Variants in RPGRIP1L observed in about 807,000 individuals in gnomAD.
RPGRIP1L encodes protein fantom.
Under a neutral mutation model 160.4 loss-of-function variants are expected in RPGRIP1L, and 131 were observed. That is an observed-to-expected ratio of 0.82 (90% CI 0.71 to 0.94). The LOEUF (loss-of-function observed/expected upper bound fraction) is 0.94. Among genes scored for constraint, RPGRIP1L ranks in the 40% least tolerant of loss-of-function variants. The pLI is 0.00. For synonymous variants in RPGRIP1L, 510 were observed against 515.8 expected, an observed-to-expected ratio of 0.99 and a Z score of 0.15; for missense variants, 1,522 against 1,535.8, an observed-to-expected ratio of 0.99 and a Z score of 0.15.
intron 2 of RPGRIP1L, among the ~76,000 whole-genome samples, chr16:53,698,957 G>A (rs1001666817): frequency 8.9e-4 from 136 of 152,310 alleles, no homozygotes; most frequent in Non-Finnish European, 1.6e-3. Flanking sequence ...GCGGGGAAAG[G>A]TGGGGAAAAG....
chr16:53,670,882 C>CCCAG (rs1968660700), intron 9 of RPGRIP1L, among the ~76,000 whole-genome samples: 1 of 152,004 alleles, frequency 6.6e-6, no homozygotes, highest in Non-Finnish European at 1.5e-5. Context: ...ATCACTTGAG[C>CCCAG]CCAGGAGTTC....
intron 2 of RPGRIP1L, among the ~76,000 whole-genome samples, chr16:53,698,329 C>T (rs1263164574): frequency 8.3e-6 from 1 of 120,932 alleles, no homozygotes; most frequent in East Asian, 2.9e-4. Flanking sequence ...GGGGGGTCAG[C>T]CCCCCGCCCG....
chr16:53,613,774 C>T (rs1257822887), intron 24 of RPGRIP1L, among the ~76,000 whole-genome samples: 1 of 152,176 alleles, frequency 6.6e-6, no homozygotes. Flanking sequence ...CCACTATTTA[C>T]TGGGTACTAT....
At chr16:53,690,131 CT>C (rs995332596) in intron 4 of RPGRIP1L, among the ~76,000 whole-genome samples, 2 of 152,086 alleles carry the variant, frequency 1.3e-5, no homozygotes, top group African/African-American at 2.4e-5. Context: ...AGAAACAAAA[CT>C]TTTTTTGTGT....
intron 24 of RPGRIP1L, among the ~76,000 whole-genome samples, chr16:53,614,443 C>T (rs1228070379): frequency 6.6e-6 from 1 of 152,198 alleles, no homozygotes; most frequent in Non-Finnish European, 1.5e-5. Context: ...ATTTGTAATT[C>T]TAACATGTTT....
chr16:53,677,315 T>A (rs1292144261), intron 6 of RPGRIP1L, among the ~76,000 whole-genome samples: 1 of 152,184 alleles, frequency 6.6e-6, no homozygotes, highest in Admixed American at 6.5e-5. Flanking sequence ...TATAATAATG[T>A]TGTACTTCAA....
At chr16:53,658,578 C>T in intron 11 of RPGRIP1L, 114 bp from the exon 12 acceptor site, 1 of 931,636 alleles carries the variant, frequency 1.1e-6, no homozygotes, top group Non-Finnish European at 1.7e-6. Context: ...CATGAACTAA[C>T]AAACTAAGTC....
intron 9 of RPGRIP1L, among the ~76,000 whole-genome samples, chr16:53,668,004 G>A (rs1239544945): frequency 2.0e-5 from 3 of 152,060 alleles, no homozygotes; most frequent in African/African-American, 7.2e-5. Context: ...ATTGCAGTGA[G>A]CTATGATTGC....
At chr16:53,615,472 A>ATTT (rs1166401715) in intron 24 of RPGRIP1L, among the ~76,000 whole-genome samples, 120 of 75,018 alleles carry the variant, frequency 1.6e-3, no homozygotes, top group African/African-American at 6.0e-3. Flanking sequence ...ATATATATAT[A>ATTT]TTTTTTTTTT....
chr16:53,623,233 T>C (rs568834611), intron 22 of RPGRIP1L, among the ~76,000 whole-genome samples: 20 of 152,136 alleles, frequency 1.3e-4, no homozygotes, highest in African/African-American at 4.8e-4. Context: ...AGGGAGAAAA[T>C]AGAAGGAACT....
intron 10 of RPGRIP1L, 43 bp downstream of exon 10, chr16:53,664,827 T>C (rs551309456): frequency 1.9e-6 from 3 of 1,597,508 alleles, no homozygotes; most frequent in East Asian, 2.2e-5. Flanking sequence ...GAAGAAACAT[T>C]AGATGTCTGA....
rs1161095481 is a variant in RPGRIP1L, at chr16:53,658,751, TTAAA to T, written c.1350+17_1350+20del. ...AGATAAAAATTCTGAGTTTTATTTCTTAAATAAGGAAATAATTCACCTGGTTGTA... is the reference window on the plus strand; with the variant it reads ...AGATAAAAATTCTGAGTTTTATTTCTTAAGGAAATAATTCACCTGGTTGTA... On this transcript the variant is annotated intron_variant, in intron 11 of 26. Coordinates refer to ENST00000647211, the MANE Select transcript of RPGRIP1L (RefSeq NM_015272.5). The T allele has an allele frequency of 1.3e-6, 2 of 1,495,424 alleles. No individual in the cohort carries two copies. The highest frequency in any genetic ancestry group is 2.3e-5 in the East Asian group (1 of 43,276). 92.6% of individuals were successfully genotyped at this position (1,495,424 alleles called of 1,614,324 possible). A position where few individuals can be genotyped will look rare whatever the true frequency, so the allele number is the denominator to read the frequency against.
chr16:53,618,228 A>C (rs1219425177), intron 24 of RPGRIP1L, among the ~76,000 whole-genome samples: 4 of 152,216 alleles, frequency 2.6e-5, no homozygotes, highest in Non-Finnish European at 5.9e-5. Context: ...TGAAAGGTGT[A>C]GTAAGAACTT....
intron 22 of RPGRIP1L, among the ~76,000 whole-genome samples, chr16:53,624,741 A>C (rs1964965005): frequency 6.6e-6 from 1 of 151,974 alleles, no homozygotes; most frequent in South Asian, 2.1e-4. Context: ...CATCATAAGA[A>C]AATGGGAGTC....
At chr16:53,644,586 T>C (rs1320824982) in intron 17 of RPGRIP1L, among the ~76,000 whole-genome samples, 19 of 152,054 alleles carry the variant, frequency 1.2e-4, no homozygotes, top group Non-Finnish European at 2.8e-4. Context: ...GAAAACAACA[T>C]CAAGTATGAG....
chr16:53,622,304 C>A lies in RPGRIP1L; in HGVS notation c.3347G>T (p.Cys1116Phe). The change falls in exon 23 of 27, where the codon TGC (cysteine) becomes TTC (phenylalanine). Residue 1116 changes from cysteine to phenylalanine, a missense_variant. Coordinates refer to ENST00000647211, the MANE Select transcript of RPGRIP1L (RefSeq NM_015272.5). ...GCTGGAACCCGGGAGGCGGAAGTTG[C>A]AGTGAGCTGAGATCGCGCTACTGCA... ...LGCSSAISAHCNFRLPGSSDF... is the reference protein window; with the variant it reads ...LGCSSAISAHFNFRLPGSSDF... 1.5e-6 allele frequency: 1 copy of A among 650,890 alleles called. No individual in the cohort carries two copies. The highest frequency in any genetic ancestry group is 1.8e-5 in the African/African-American group (1 of 55,148). The allele number at this position is 650,890 out of a possible 1,614,324, so 40.3% of individuals were successfully genotyped here. A position where few individuals can be genotyped will look rare whatever the true frequency, so the allele number is the denominator to read the frequency against.
At chr16:53,631,833 G>A (rs1253856414) in intron 22 of RPGRIP1L, among the ~76,000 whole-genome samples, 2 of 152,104 alleles carry the variant, frequency 1.3e-5, no homozygotes, top group African/African-American at 2.4e-5. Flanking sequence ...TTACACTTGC[G>A]CTATGTGGCA....
intron 2 of RPGRIP1L, among the ~76,000 whole-genome samples, chr16:53,699,807 G>A (rs12932326): frequency 0.039 from 4,599 of 117,956 alleles, 230 homozygotes; most frequent in Admixed American, 0.2. Context: ...GACAGAGCGA[G>A]ACTTCGTCTC....
At position 53,700,666 on chromosome 16, in the gene RPGRIP1L, TTAGACC is replaced by T. The variant is rs779279825; in HGVS notation, c.52_57del (p.Gly18_Leu19del). On this transcript the variant is annotated inframe_deletion, in exon 2 of 27. Coordinates refer to ENST00000647211, the MANE Select transcript of RPGRIP1L (RefSeq NM_015272.5). ...TGTAACCCTCCCATTCCAAAGAGGT[TTAGACC>T]TGTATCTTTCACAGGCAAGTCTCCT... The T allele has an allele frequency of 9.9e-6, 16 of 1,613,564 alleles. No individual in the cohort carries two copies. The highest frequency in any genetic ancestry group is 1.1e-5 in the Non-Finnish European group (13 of 1,179,732).
Sources: allele counts gnomAD v4.1 joint callset (sites outside exome capture counted in the v4.1 genomes callset), GRCh38; gene constraint gnomAD v4.1.1; transcripts MANE v1.5; gene names NCBI Gene and HGNC (gene_info 2026-07-23, HGNC 2026-07-21).